Variants in UBE2L6 observed in about 807,000 individuals in gnomAD.
The protein encoded by UBE2L6 is ubiquitin/ISG15-conjugating enzyme E2 L6.
UBE2L6 carries 11 observed loss-of-function variants against 13.6 expected under a neutral mutation model. That is an observed-to-expected ratio of 0.81 (90% CI 0.51 to 1.34). The LOEUF (loss-of-function observed/expected upper bound fraction) is 1.34. Ranked by LOEUF, UBE2L6 falls within the 40% of genes most tolerant of loss-of-function variation. UBE2L6 has a pLI of 0.00. For synonymous variants in UBE2L6, 74 were observed against 83.2 expected, an observed-to-expected ratio of 0.89 and a Z score of 0.60; for missense variants, 197 against 199.5, an observed-to-expected ratio of 0.99 and a Z score of 0.07.
chr11:57,553,375 T>C (rs1944973607), intron 3 of UBE2L6, among the ~76,000 whole-genome samples: 1 of 152,094 alleles, frequency 6.6e-6, no homozygotes, highest in Admixed American at 6.6e-5. Context: ...GCTCCTGTAG[T>C]CCCAGTTACT....
At position 57,552,184 on chromosome 11, in the gene UBE2L6, C is replaced by T; in HGVS notation, c.*174G>A. 1 of 895,588 alleles carries T rather than the reference C, an allele frequency of 1.1e-6. No individual in the cohort carries two copies. The highest frequency in any genetic ancestry group is 1.7e-6 in the Non-Finnish European group (1 of 584,578). 55.5% of individuals were successfully genotyped at this position (895,588 alleles called of 1,614,324 possible). A position where few individuals can be genotyped will look rare whatever the true frequency, so the allele number is the denominator to read the frequency against. ...AACCTGGGAGTGAGTCCATACACAA[C>T]ACACACACTCATAGCTCCCTTCCCT... On this transcript the variant is annotated 3_prime_UTR_variant, in exon 4 of 4. Coordinates refer to ENST00000287156, the MANE Select transcript of UBE2L6 (RefSeq NM_004223.5).
intron 1 of UBE2L6, among the ~76,000 whole-genome samples, chr11:57,560,962 A>G (rs1945041181): frequency 6.6e-6 from 1 of 152,094 alleles, no homozygotes; most frequent in Non-Finnish European, 1.5e-5. Flanking sequence ...TGGCCTCACC[A>G]CAACTCTGGT....
intron 1 of UBE2L6, chr11:57,567,282 C>A: frequency 1.9e-6 from 1 of 523,312 alleles, no homozygotes; most frequent in Non-Finnish European, 3.5e-6. Flanking sequence ...GAGATGCACC[C>A]AGTTGTTATC....
intron 1 of UBE2L6, among the ~76,000 whole-genome samples, chr11:57,564,486 TA>T (rs1284961622): frequency 1.1e-4 from 17 of 152,122 alleles, no homozygotes; most frequent in African/African-American, 4.1e-4. Flanking sequence ...ATCAGAAATT[TA>T]AAAAAATTTT....
At chr11:57,565,888 A>G (rs2135283766) in intron 1 of UBE2L6, among the ~76,000 whole-genome samples, 1 of 152,190 alleles carries the variant, frequency 6.6e-6, no homozygotes, top group East Asian at 1.9e-4. Context: ...GGGGTCCTTT[A>G]ACACTGTGGA....
At chr11:57,553,366 C>T (rs1380677310) in intron 3 of UBE2L6, among the ~76,000 whole-genome samples, 1 of 152,126 alleles carries the variant, frequency 6.6e-6, no homozygotes, top group African/African-American at 2.4e-5. Flanking sequence ...TAGTGGCATG[C>T]TCCTGTAGTC....
chr11:57,560,387 G>T lies in UBE2L6; in HGVS notation c.73C>A (p.Leu25Met), dbSNP rs769274452. 1 of 1,613,916 alleles carries T rather than the reference G, an allele frequency of 6.2e-7. No individual in the cohort carries two copies. The highest frequency in any genetic ancestry group is 1.1e-5 in the South Asian group (1 of 91,070). ...AGGACATTGGCATCATCGCTGGACA[G>T]GTTCCGCAGGTATGGGGGAGGCTTC... Reference protein sequence around the residue: ...QKKPPPYLRNLSSDDANVLVW... With the variant: ...QKKPPPYLRNMSSDDANVLVW... Residue 25 changes from leucine (L) to methionine (M), a missense_variant, in exon 2 of 4, where the codon CTG (leucine) becomes ATG (methionine). Transcript: ENST00000287156.
At chr11:57,556,611 A>C (rs1944999599) in intron 2 of UBE2L6, among the ~76,000 whole-genome samples, 1 of 151,112 alleles carries the variant, frequency 6.6e-6, no homozygotes, top group South Asian at 2.1e-4. Context: ...AAAAAAAAAA[A>C]AAAAGAGAGA....
At chr11:57,554,893 C>T (rs1944985849) in intron 2 of UBE2L6, among the ~76,000 whole-genome samples, 2 of 137,906 alleles carry the variant, frequency 1.5e-5, no homozygotes, top group South Asian at 4.9e-4. Context: ...CCTCAGTTTC[C>T]TCATTTGAAA....
At position 57,567,634 on chromosome 11, in the gene UBE2L6, C is replaced by T. The variant is rs1257000512; in HGVS notation, c.-23G>A. ...CATGTCGGGACCGAGTGTGTGGCAC[C>T]CGTGGCCTCCAGCAGGACCGAGCTC... On this transcript the variant is annotated 5_prime_UTR_variant, in exon 1 of 4. Coordinates refer to ENST00000287156, the MANE Select transcript of UBE2L6 (RefSeq NM_004223.5). 1 of 1,604,354 alleles carries T rather than the reference C, an allele frequency of 6.2e-7. No homozygotes were observed. The highest frequency in any genetic ancestry group is 8.5e-7 in the Non-Finnish European group (1 of 1,176,470).
chr11:57,554,711 C>T, intron 2 of UBE2L6, 88 bp from the exon 3 acceptor site: 1 of 1,411,612 alleles, frequency 7.1e-7, no homozygotes, highest in Non-Finnish European at 9.9e-7. Flanking sequence ...CTCTGCTTCA[C>T]TCCCAGGAGG....
At chr11:57,559,526 G>A (rs571940476) in intron 2 of UBE2L6, among the ~76,000 whole-genome samples, 11 of 151,956 alleles carry the variant, frequency 7.2e-5, no homozygotes, top group South Asian at 4.1e-4. Context: ...CAGGAGAATC[G>A]CTTGAACCCC....
chr11:57,564,558 T>C (rs1207280116), intron 1 of UBE2L6, among the ~76,000 whole-genome samples: 2 of 152,240 alleles, frequency 1.3e-5, no homozygotes, highest in Non-Finnish European at 2.9e-5. Flanking sequence ...ATCCCAGCAC[T>C]GTGGGAGGCC....
chr11:57,560,011 G>C (rs1945026080), intron 2 of UBE2L6, among the ~76,000 whole-genome samples: 1 of 152,132 alleles, frequency 6.6e-6, no homozygotes, highest in African/African-American at 2.4e-5. Context: ...CCTACCCCTT[G>C]ACAAAGGTCC....
chr11:57,564,579 G>T (rs1398399924), intron 1 of UBE2L6, among the ~76,000 whole-genome samples: 1 of 152,206 alleles, frequency 6.6e-6, no homozygotes, highest in Non-Finnish European at 1.5e-5. Context: ...AAAGCCGGTG[G>T]ATCACCTGAG....
At chr11:57,561,151 C>T (rs1020984517) in intron 1 of UBE2L6, among the ~76,000 whole-genome samples, 8 of 152,120 alleles carry the variant, frequency 5.3e-5, no homozygotes, top group African/African-American at 9.7e-5. Context: ...TTCTTCCTTC[C>T]GTAAGCATCG....
At chr11:57,559,333 C>T (rs1202773909) in intron 2 of UBE2L6, among the ~76,000 whole-genome samples, 3 of 152,190 alleles carry the variant, frequency 2.0e-5, no homozygotes, top group East Asian at 3.9e-4. Context: ...TAAATCCTGC[C>T]GGGTGTGGTG....
At chr11:57,552,841 A>G (rs930029114) in intron 3 of UBE2L6, among the ~76,000 whole-genome samples, 1 of 152,194 alleles carries the variant, frequency 6.6e-6, no homozygotes, top group Non-Finnish European at 1.5e-5. Flanking sequence ...TGGTAGTCCA[A>G]ATAAACTTTT....
At chr11:57,567,736 G>C (rs1471499509), upstream of UBE2L6, 1 of 1,167,028 alleles carries the variant, frequency 8.6e-7, no homozygotes, top group Non-Finnish European at 1.2e-6. Context: ...TCCTCCAGCC[G>C]TCGCTGCGTG....
Sources: allele counts gnomAD v4.1 joint callset (sites outside exome capture counted in the v4.1 genomes callset), GRCh38; gene constraint gnomAD v4.1.1; transcripts MANE v1.5; gene names NCBI Gene and HGNC (gene_info 2026-07-23, HGNC 2026-07-21).